The following RALB variants were observed in gnomAD, a reference collection of about 807,000 sequenced individuals.
RALB encodes the protein ras-related protein Ral-B.
A neutral mutation model predicts 21.3 loss-of-function variants in RALB; 16 were observed. The ratio of observed to expected loss-of-function variants is 0.75; its 90% CI spans 0.51 to 1.14. The LOEUF is 1.14. Ranked by LOEUF, RALB falls within the 50% of genes most tolerant of loss-of-function variation. RALB has a pLI of 0.00. For synonymous variants in RALB, 93 were observed against 96.1 expected (o/e 0.97, Z 0.19); for missense variants, 161 against 256.2 (o/e 0.63, Z 2.54).
intron 3 of RALB, among the ~76,000 whole-genome samples, chr2:120,289,261 T>G (rs969148315): frequency 5.3e-5 from 8 of 150,808 alleles, no homozygotes; most frequent in African/African-American, 1.7e-4. Context: ...TTTTTGTGTG[T>G]GCATAAGTTG....
chr2:120,291,614 A>G (rs1320947501), intron 4 of RALB, among the ~76,000 whole-genome samples: 1 of 152,196 alleles, frequency 6.6e-6, no homozygotes, highest in Admixed American at 6.5e-5. Context: ...AAGAATTTCT[A>G]TGAAAGGTGT....
chr2:120,291,814 C>T (rs1690310414), intron 4 of RALB, among the ~76,000 whole-genome samples: 1 of 152,030 alleles, frequency 6.6e-6, no homozygotes. Context: ...CCTGATCTAG[C>T]TGGGGGCTGG....
intron 1 of RALB, among the ~76,000 whole-genome samples, chr2:120,257,540 G>T (rs536101820): frequency 6.6e-6 from 1 of 151,928 alleles, no homozygotes; most frequent in Non-Finnish European, 1.5e-5. Context: ...TATCCTTTGA[G>T]TTGTGCATAT....
chr2:120,246,541 C>T (rs1190885658), intron 1 of RALB, among the ~76,000 whole-genome samples: 2 of 152,262 alleles, frequency 1.3e-5, no homozygotes, highest in Non-Finnish European at 2.9e-5. Context: ...TCCTCCTCCC[C>T]CTTCCTAACT....
At chr2:120,259,888 C>G (rs188357869) in intron 1 of RALB, among the ~76,000 whole-genome samples, 4,279 of 152,304 alleles carry the variant, frequency 0.028, 191 homozygotes, top group African/African-American at 0.098. Context: ...GGTCCCAAGC[C>G]CTGCCCCGTG....
intron 1 of RALB, among the ~76,000 whole-genome samples, chr2:120,256,658 G>A (rs144830284): frequency 1.3e-5 from 2 of 152,270 alleles, no homozygotes; most frequent in Non-Finnish European, 2.9e-5. Context: ...GGAACTGTGA[G>A]TCAATTAAAC....
chr2:120,289,696 C>T lies in RALB; in HGVS notation c.440C>T (p.Ala147Val). 6.2e-7 allele frequency: 1 copy of T among 1,614,140 alleles called. No homozygotes were observed. Among genetic ancestry groups the T allele is most frequent in the Non-Finnish European group, 8.5e-7 (1 of 1,180,038 alleles). ...QVPVEEARSK[A>V]EEWGVQYVET... ...CCTGTGGAGGAGGCCAGGAGTAAAG[C>T]CGAAGAGTGGGGCGTGCAGTACGTG... The change falls in exon 4 of 5, where the codon GCC becomes GTC. Residue 147 changes from alanine (A) to valine (V), a missense_variant. Transcript: ENST00000272519.
chr2:120,245,653 G>A (rs1225746604), intron 1 of RALB, among the ~76,000 whole-genome samples: 1 of 152,110 alleles, frequency 6.6e-6, no homozygotes, highest in Non-Finnish European at 1.5e-5. Flanking sequence ...AGCTTTCTGT[G>A]ATTTATGGCC....
At position 120,285,917 on chromosome 2, in the gene RALB, A is replaced by G; in HGVS notation, c.158A>G (p.Lys53Arg). 1.9e-6 allele frequency: 3 copies of G among 1,614,056 alleles called. No individual in the cohort carries two copies. Among genetic ancestry groups the G allele is most frequent in the Non-Finnish European group, 1.7e-6 (2 of 1,179,950 alleles). The change falls in exon 3 of 5, where the codon AAG (lysine) becomes AGG (arginine). Residue 53 changes from lysine (K) to arginine (R), a missense_variant. By Grantham distance (26) the Lys-to-Arg change is conservative (BLOSUM62 2). Transcript: ENST00000272519. ...YEPTKADSYRKKVVLDGEEVQ... is the reference protein window; with the variant it reads ...YEPTKADSYRRKVVLDGEEVQ... Reference sequence around the variant, plus strand: ...CCTACCAAAGCTGACAGTTATAGAAAGAAAGTGGTTCTTGATGGGGAAGAA... The same window carrying G: ...CCTACCAAAGCTGACAGTTATAGAAGGAAAGTGGTTCTTGATGGGGAAGAA...
intron 1 of RALB, among the ~76,000 whole-genome samples, chr2:120,273,091 A>G (rs1689706144): frequency 6.6e-6 from 1 of 152,208 alleles, no homozygotes; most frequent in Non-Finnish European, 1.5e-5. Context: ...CACTGAGACC[A>G]TGGTATTGCA....
intron 2 of RALB, among the ~76,000 whole-genome samples, chr2:120,280,178 C>G (rs932069535): frequency 3.3e-5 from 5 of 152,158 alleles, no homozygotes; most frequent in Non-Finnish European, 5.9e-5. Context: ...TACAGTGAAG[C>G]TCAATAGAGG....
chr2:120,252,870 T>A lies in RALB; in HGVS notation c.-158T>A. ...GGGGTGGGAAAGCGAGCCCGGCAGCTCAATGACAAATCGGTGGAGGACGGC... is the reference window on the plus strand; with the variant it reads ...GGGGTGGGAAAGCGAGCCCGGCAGCACAATGACAAATCGGTGGAGGACGGC... On this transcript the variant is annotated 5_prime_UTR_variant, in exon 1 of 5. Transcript: ENST00000272519. The A allele has an allele frequency of 2.0e-6, 2 of 985,512 alleles. No homozygotes were observed. The highest frequency in any genetic ancestry group is 9.4e-5 in the South Asian group (2 of 21,298). 61.0% of individuals were successfully genotyped at this position (985,512 alleles called of 1,614,324 possible). A position where few individuals can be genotyped will look rare whatever the true frequency, so the allele number is the denominator to read the frequency against.
At chr2:120,289,022 C>T (rs757505855) in intron 3 of RALB, among the ~76,000 whole-genome samples, 1 of 152,144 alleles carries the variant, frequency 6.6e-6, no homozygotes, top group Non-Finnish European at 1.5e-5. Context: ...CTGGTCAGTT[C>T]TGTTCTATAA....
chr2:120,279,900 C>T (rs1689943002), intron 2 of RALB, among the ~76,000 whole-genome samples: 2 of 152,190 alleles, frequency 1.3e-5, no homozygotes, highest in African/African-American at 4.8e-5. Context: ...CATTTTCGGC[C>T]TCTAGCTGAG....
At chr2:120,283,427 C>G (rs561770496) in intron 2 of RALB, among the ~76,000 whole-genome samples, 126 of 152,320 alleles carry the variant, frequency 8.3e-4, no homozygotes, top group African/African-American at 2.9e-3. Context: ...ACTCTTTGTT[C>G]ATAGTGCATG....
intron 3 of RALB, among the ~76,000 whole-genome samples, chr2:120,288,190 A>T (rs985364085): frequency 2.6e-5 from 4 of 152,202 alleles, no homozygotes; most frequent in African/African-American, 4.8e-5. Flanking sequence ...TAATGATCAC[A>T]TGACTTCAAA....
At chr2:120,245,496 G>A (rs1183388624) in intron 1 of RALB, among the ~76,000 whole-genome samples, 1 of 152,136 alleles carries the variant, frequency 6.6e-6, no homozygotes, top group Non-Finnish European at 1.5e-5. Flanking sequence ...GCCGAGCCCT[G>A]GGCCTCTTCT....
intron 4 of RALB, among the ~76,000 whole-genome samples, chr2:120,291,725 T>C (rs1206307034): frequency 6.6e-6 from 1 of 152,228 alleles, no homozygotes; most frequent in Non-Finnish European, 1.5e-5. Context: ...GACAAACCTG[T>C]AGCATTTGAA....
intron 1 of RALB, among the ~76,000 whole-genome samples, chr2:120,267,054 C>T (rs941373727): frequency 2.6e-5 from 4 of 152,052 alleles, no homozygotes; most frequent in Non-Finnish European, 4.4e-5. Flanking sequence ...TGATCCTCCT[C>T]CATCAGGAGG....
Sources: allele counts gnomAD v4.1 joint callset (sites outside exome capture counted in the v4.1 genomes callset), GRCh38; gene constraint gnomAD v4.1.1; transcripts MANE v1.5; gene names NCBI Gene and HGNC (gene_info 2026-07-23, HGNC 2026-07-21).